Variants in UGT2B7 observed in about 807,000 individuals in gnomAD.
UGT2B7 encodes the protein UDP glucuronosyltransferase family 2 member B7.
Under a neutral mutation model 51.9 loss-of-function variants are expected in UGT2B7, and 51 were observed. The observed-to-expected ratio is 0.98, with a 90% CI of 0.78 to 1.24. The LOEUF is 1.24. Among genes scored for constraint, UGT2B7 ranks in the 50% most tolerant of loss-of-function variants. The probability of loss-of-function intolerance (pLI) is 0.00; values close to 1 mark genes in which losing one functional copy is unlikely to be tolerated. For missense variants in UGT2B7, 727 were observed against 628.4 expected, an observed-to-expected ratio of 1.16 and a Z score of -1.68; for synonymous variants, 225 against 211.6, an observed-to-expected ratio of 1.06 and a Z score of -0.55.
At chr4:69,063,044 C>G (rs542753762) in intron 1 of UGT2B7, among the ~76,000 whole-genome samples, 2 of 152,214 alleles carry the variant, frequency 1.3e-5, no homozygotes, top group Admixed American at 6.5e-5. Context: ...ATAAGAAACA[C>G]AGTAATTGCT....
intron 1 of UGT2B7, among the ~76,000 whole-genome samples, chr4:69,057,175 C>A (rs902387790): frequency 2.0e-5 from 3 of 152,158 alleles, no homozygotes; most frequent in African/African-American, 7.2e-5. Context: ...ATGAACTTTT[C>A]ATGTGAAATC....
chr4:69,067,298 G>A (rs548130225), intron 1 of UGT2B7: 1 of 152,248 alleles, frequency 6.6e-6, no homozygotes, highest in Non-Finnish European at 1.5e-5. Context: ...GCAATAATTT[G>A]TTATCTAGAG....
chr4:69,063,810 T>C (rs868623367), intron 1 of UGT2B7, among the ~76,000 whole-genome samples: 50 of 152,082 alleles, frequency 3.3e-4, no homozygotes, highest in African/African-American at 1.1e-3. Flanking sequence ...TGCTTAATGT[T>C]CCCTTGCCTC....
At chr4:69,053,234 G>T (rs191482153) in intron 1 of UGT2B7, among the ~76,000 whole-genome samples, 1,736 of 152,058 alleles carry the variant, frequency 0.011, 37 homozygotes, top group African/African-American at 0.039. Flanking sequence ...TAGCTTATCT[G>T]GTATAAAAAT....
intron 1 of UGT2B7, among the ~76,000 whole-genome samples, chr4:69,072,819 C>G (rs28454605): frequency 0.033 from 5,083 of 152,164 alleles, 118 homozygotes; most frequent in Middle Eastern, 0.11. Flanking sequence ...TATATTTGCA[C>G]CCAGGGGACA....
At chr4:69,075,295 C>A (rs1718679170) in intron 1 of UGT2B7, among the ~76,000 whole-genome samples, 2 of 152,084 alleles carry the variant, frequency 1.3e-5, no homozygotes, top group Admixed American at 1.3e-4. Flanking sequence ...CTGAAAGTGA[C>A]AGCATAATTT....
chr4:69,099,371 G>C (rs1417099675), intron 2 of UGT2B7, among the ~76,000 whole-genome samples: 2 of 151,624 alleles, frequency 1.3e-5, no homozygotes, highest in African/African-American at 4.8e-5. Context: ...AGGCAAATTA[G>C]AGCCAGATAC....
At chr4:69,053,852 G>T (rs1437036906) in intron 1 of UGT2B7, among the ~76,000 whole-genome samples, 1 of 152,134 alleles carries the variant, frequency 6.6e-6, no homozygotes, top group Non-Finnish European at 1.5e-5. Context: ...AAGTAGAGTG[G>T]CACTTGTGCT....
chr4:69,064,504 G>C (rs1048123601), intron 1 of UGT2B7, among the ~76,000 whole-genome samples: 3 of 152,200 alleles, frequency 2.0e-5, no homozygotes, highest in Admixed American at 6.5e-5. Flanking sequence ...AGGCTCTTTT[G>C]AGCAAAACCT....
At chr4:69,111,064 C>G (rs1033776278) in intron 5 of UGT2B7, among the ~76,000 whole-genome samples, 1 of 152,014 alleles carries the variant, frequency 6.6e-6, no homozygotes, top group African/African-American at 2.4e-5. Context: ...GGGAGAGAAG[C>G]ATTCCTTGGG....
At chr4:69,075,557 C>G (rs1162882628) in intron 1 of UGT2B7, among the ~76,000 whole-genome samples, 1 of 152,090 alleles carries the variant, frequency 6.6e-6, no homozygotes, top group African/African-American at 2.4e-5. Flanking sequence ...AGTCTTTTGA[C>G]ATCAATCACC....
chr4:69,064,100 A>AAGAGAGAGAGAGAGAGAGAGAG (rs1718431277), intron 1 of UGT2B7, among the ~76,000 whole-genome samples: 2 of 104,702 alleles, frequency 1.9e-5, no homozygotes, highest in Non-Finnish European at 1.9e-5. Context: ...AAGAAAGAGA[A>AAGAGAGAGAGAGAGAGAGAGAG]AGAAAGAAAG....
intron 2 of UGT2B7, among the ~76,000 whole-genome samples, chr4:69,100,400 CAAAGCAAGCA>C (rs2109886687): frequency 6.6e-6 from 1 of 152,102 alleles, no homozygotes; most frequent in South Asian, 2.1e-4. Flanking sequence ...GACATATGTA[CAAAGCAAGCA>C]TTCTTTGTTA....
intron 3 of UGT2B7, among the ~76,000 whole-genome samples, chr4:69,106,273 C>T (rs1719596864): frequency 6.6e-6 from 1 of 152,064 alleles, no homozygotes; most frequent in African/African-American, 2.4e-5. Flanking sequence ...TCCAATACAC[C>T]ACAGTGTATG....
At chr4:69,098,749 A>G in intron 2 of UGT2B7, 61 bp downstream of exon 2, 74 of 1,592,880 alleles carry the variant, frequency 4.6e-5, no homozygotes, top group Non-Finnish European at 6.1e-5. Flanking sequence ...AAATGATTCT[A>G]TAGTCTTCTT....
chr4:69,074,994 G>A (rs1341866249), intron 1 of UGT2B7, among the ~76,000 whole-genome samples: 1 of 152,014 alleles, frequency 6.6e-6, no homozygotes, highest in Non-Finnish European at 1.5e-5. Flanking sequence ...TAGTTTTTAG[G>A]ACACCTATTT....
At position 69,096,994 on chromosome 4, in the gene UGT2B7, G is replaced by A. The variant is rs1277235690; in HGVS notation, c.474G>A (p.Glu158=). The part of the protein sequence containing the change: ...IFADAIFPCS[E]LLAELFNIPF... Reference sequence around the variant, plus strand: ...CAGATGCTATTTTTCCCTGTAGTGAGCTGCTGGCTGAGCTATTTAACATAC... The same window carrying A: ...CAGATGCTATTTTTCCCTGTAGTGAACTGCTGGCTGAGCTATTTAACATAC... Residue 158 remains glutamate, a synonymous_variant, in exon 1 of 6, where the codon GAG becomes GAA. Coordinates refer to ENST00000305231, the MANE Select transcript of UGT2B7 (RefSeq NM_001074.4). 1 of 1,613,656 alleles carries A rather than the reference G, an allele frequency of 6.2e-7. No individual in the cohort carries two copies. The highest frequency in any genetic ancestry group is 1.3e-5 in the African/African-American group (1 of 74,892).
intron 1 of UGT2B7, among the ~76,000 whole-genome samples, chr4:69,081,789 C>A (rs1245982523): frequency 6.6e-6 from 1 of 152,070 alleles, no homozygotes; most frequent in East Asian, 1.9e-4. Context: ...CATATTGCAC[C>A]ATTTACATCA....
intron 1 of UGT2B7, among the ~76,000 whole-genome samples, chr4:69,088,531 T>C (rs1719015121): frequency 6.6e-6 from 1 of 152,132 alleles, no homozygotes; most frequent in Non-Finnish European, 1.5e-5. Context: ...GAGCTTAATC[T>C]CAAATGTTAT....
Sources: gnomAD v4.1 joint callset for allele counts (sites outside exome capture counted in the v4.1 genomes callset) on GRCh38, gnomAD v4.1.1 for gene constraint, MANE v1.5 for transcripts, NCBI Gene and HGNC (gene_info 2026-07-23, HGNC 2026-07-21) for gene names.